The following FAM53B variants were observed in gnomAD, a reference collection of about 807,000 sequenced individuals.
FAM53B encodes the protein protein FAM53B.
A neutral mutation model predicts 32.7 loss-of-function variants in FAM53B; 12 were observed. The observed-to-expected ratio is 0.37, with a 90% CI of 0.24 to 0.59. The LOEUF is 0.59. Ranked by LOEUF, FAM53B falls within the 20% of genes least tolerant of loss-of-function variation. The pLI is 0.72. For missense variants in FAM53B, 477 were observed against 577.7 expected (o/e 0.83, Z 1.79); for synonymous variants, 234 against 228.7 (o/e 1.02, Z -0.21).
chr10:124,653,972 C>G (rs921661029), intron 4 of FAM53B, among the ~76,000 whole-genome samples: 9 of 152,204 alleles, frequency 5.9e-5, no homozygotes, highest in Admixed American at 5.9e-4. Flanking sequence ...GCCGACCAGG[C>G]AGCTCCAATC....
At chr10:124,654,731 G>A (rs144816130) in intron 4 of FAM53B, among the ~76,000 whole-genome samples, 1 of 152,286 alleles carries the variant, frequency 6.6e-6, no homozygotes, top group East Asian at 1.9e-4. Flanking sequence ...TGTGGGTAGG[G>A]CTGTAGGTGT....
intron 4 of FAM53B, among the ~76,000 whole-genome samples, chr10:124,660,547 G>T (rs970193952): frequency 2.6e-5 from 4 of 152,256 alleles, no homozygotes; most frequent in East Asian, 1.9e-4. Flanking sequence ...TATCACCTGG[G>T]GGGGCATGGG....
At chr10:124,629,929 C>T (rs1371492793) in intron 4 of FAM53B, among the ~76,000 whole-genome samples, 1 of 152,312 alleles carries the variant, frequency 6.6e-6, no homozygotes, top group Non-Finnish European at 1.5e-5. Flanking sequence ...GGCTTCTTTT[C>T]CTCTGAGGCT....
At chr10:124,699,867 C>T (rs1295116624) in intron 2 of FAM53B, among the ~76,000 whole-genome samples, 1 of 152,220 alleles carries the variant, frequency 6.6e-6, no homozygotes, top group East Asian at 1.9e-4. Context: ...CTAAAGTCCT[C>T]CCAGCTGCTC....
At chr10:124,641,428 G>A (rs1949472186) in intron 4 of FAM53B, among the ~76,000 whole-genome samples, 1 of 152,210 alleles carries the variant, frequency 6.6e-6, no homozygotes, top group South Asian at 2.1e-4. Context: ...CAAGTTAGGA[G>A]ATGAGCCAAC....
chr10:124,735,778 CTGG>C (rs1950169965), intron 1 of FAM53B, among the ~76,000 whole-genome samples: 1 of 56,560 alleles, frequency 1.8e-5, no homozygotes, highest in Admixed American at 1.6e-4. Context: ...AACCTATGGG[CTGG>C]CTGGGGGTGC....
At chr10:124,712,262 G>A (rs547947786) in intron 1 of FAM53B, among the ~76,000 whole-genome samples, 5 of 152,174 alleles carry the variant, frequency 3.3e-5, no homozygotes, top group Non-Finnish European at 7.4e-5. Flanking sequence ...AGGCTGAGGC[G>A]CAGGAAACAC....
intron 4 of FAM53B, among the ~76,000 whole-genome samples, chr10:124,625,057 A>G (rs1325543565): frequency 6.6e-6 from 1 of 152,206 alleles, no homozygotes; most frequent in Non-Finnish European, 1.5e-5. Flanking sequence ...TGCTGACGCC[A>G]AGACCACAGA....
At chr10:124,624,700 T>G (rs1222141157) in intron 4 of FAM53B, among the ~76,000 whole-genome samples, 1 of 150,842 alleles carries the variant, frequency 6.6e-6, no homozygotes, top group African/African-American at 2.4e-5. Flanking sequence ...CCAGTTCTGC[T>G]TGGCGTCAGC....
At chr10:124,687,153 G>A (rs1175400445) in intron 3 of FAM53B, among the ~76,000 whole-genome samples, 1 of 152,156 alleles carries the variant, frequency 6.6e-6, no homozygotes, top group Non-Finnish European at 1.5e-5. Flanking sequence ...GATTTGTTGG[G>A]TCAGATCACC....
At chr10:124,693,552 C>T (rs1032397418) in intron 3 of FAM53B, among the ~76,000 whole-genome samples, 7 of 151,942 alleles carry the variant, frequency 4.6e-5, no homozygotes, top group African/African-American at 1.5e-4. Flanking sequence ...ATGGAGCACA[C>T]GGAGGACTGG....
intron 4 of FAM53B, among the ~76,000 whole-genome samples, chr10:124,654,204 C>T (rs1307817898): frequency 6.6e-6 from 1 of 152,256 alleles, no homozygotes; most frequent in Non-Finnish European, 1.5e-5. Flanking sequence ...GTGAATGAAA[C>T]GCTGCGCCCA....
intron 2 of FAM53B, among the ~76,000 whole-genome samples, chr10:124,700,603 G>A (rs559952916): frequency 5.7e-4 from 86 of 152,140 alleles, no homozygotes; most frequent in Non-Finnish European, 1.0e-3. Context: ...TTAGATCCTC[G>A]TAGGAAAGGC....
intron 4 of FAM53B, among the ~76,000 whole-genome samples, chr10:124,647,563 C>G (rs1949525880): frequency 6.6e-6 from 1 of 152,214 alleles, no homozygotes; most frequent in East Asian, 1.9e-4. Context: ...CAAGTGTGAG[C>G]AGAGATGCAT....
At position 124,623,260 on chromosome 10, in the gene FAM53B, C is replaced by A; in HGVS notation, c.1251G>T (p.Glu417Asp). ...CACCCCCTCAGTTCTTCTCTATCTG[C>A]TCAATGTCCAACTCGCCGTCCAGGG... The part of the protein sequence containing the change: ...LCSLDGELDI[E>D]QIEKN The change falls in exon 5 of 5, where the codon GAG becomes GAT. Residue 417 changes from glutamate to aspartate, a missense_variant. Coordinates refer to ENST00000337318, the MANE Select transcript of FAM53B (RefSeq NM_014661.4). The A allele has an allele frequency of 6.2e-7, 1 of 1,606,182 alleles. No individual in the cohort carries two copies. The highest frequency in any genetic ancestry group is 1.1e-5 in the South Asian group (1 of 90,096).
chr10:124,668,566 C>A (rs1304941206), intron 4 of FAM53B, among the ~76,000 whole-genome samples: 3 of 152,278 alleles, frequency 2.0e-5, no homozygotes, highest in Non-Finnish European at 2.9e-5. Flanking sequence ...CAGGCAGGAC[C>A]TGTCCTTCCA....
intron 2 of FAM53B, 65 bp from the exon 3 acceptor site, chr10:124,696,277 C>G: frequency 1.5e-6 from 2 of 1,320,924 alleles, no homozygotes; most frequent in East Asian, 2.3e-5. Flanking sequence ...ACTGACTCTA[C>G]TGATCCCTTC....
At chr10:124,626,945 G>A (rs1949359592) in intron 4 of FAM53B, among the ~76,000 whole-genome samples, 1 of 152,242 alleles carries the variant, frequency 6.6e-6, no homozygotes, top group African/African-American at 2.4e-5. Context: ...CTGCTGTGAA[G>A]CAGGGGGAGT....
At chr10:124,698,926 C>T (rs1041501134) in intron 2 of FAM53B, among the ~76,000 whole-genome samples, 4 of 152,240 alleles carry the variant, frequency 2.6e-5, no homozygotes, top group Non-Finnish European at 2.9e-5. Flanking sequence ...CTGAGTACCC[C>T]CAACCTTGCT....
Sources: gnomAD v4.1 joint callset for allele counts (sites outside exome capture counted in the v4.1 genomes callset) on GRCh38, gnomAD v4.1.1 for gene constraint, MANE v1.5 for transcripts, NCBI Gene and HGNC (gene_info 2026-07-23, HGNC 2026-07-21) for gene names.